The following RRAS2 variants were observed in gnomAD, a reference collection of about 807,000 sequenced individuals.
The protein encoded by RRAS2 is RAS related 2, also known as ras-related protein R-Ras2.
Under a neutral mutation model 27.6 loss-of-function variants are expected in RRAS2, and 7 were observed. The ratio of observed to expected loss-of-function variants is 0.25; its 90% CI spans 0.14 to 0.48. The LOEUF is 0.48. RRAS2 is among the 20% of genes least tolerant of loss of function. The pLI, the probability that RRAS2 is intolerant of heterozygous loss-of-function variation, is 0.99. For synonymous variants in RRAS2, 86 were observed against 90.9 expected, an observed-to-expected ratio of 0.95 and a Z score of 0.31; for missense variants, 178 against 256.2, an observed-to-expected ratio of 0.69 and a Z score of 2.08.
At chr11:14,322,348 G>A (rs369518304) in intron 1 of RRAS2, among the ~76,000 whole-genome samples, 1 of 151,710 alleles carries the variant, frequency 6.6e-6, no homozygotes, top group Non-Finnish European at 1.5e-5. Flanking sequence ...GCTAAACTAC[G>A]AGGATCACTT....
At chr11:14,320,760 C>T (rs1261107675) in intron 1 of RRAS2, among the ~76,000 whole-genome samples, 9 of 152,184 alleles carry the variant, frequency 5.9e-5, no homozygotes, top group African/African-American at 1.9e-4. Context: ...TATAAAAGAA[C>T]TTAAGTCAAA....
intron 1 of RRAS2, among the ~76,000 whole-genome samples, chr11:14,299,144 A>G (rs564144690): frequency 6.6e-6 from 1 of 152,330 alleles, no homozygotes; most frequent in African/African-American, 2.4e-5. Flanking sequence ...AATAAATGTC[A>G]ACCATAATAA....
chr11:14,353,187 G>A lies in RRAS2; in HGVS notation c.108+5576C>T, dbSNP rs562643352. ...CAATTTATTTTCCTAACTGAATGGAGCAGACTATTTTTATTCAAAGCTTAG... is the reference window on the plus strand; with the variant it reads ...CAATTTATTTTCCTAACTGAATGGAACAGACTATTTTTATTCAAAGCTTAG... On this transcript the variant is annotated intron_variant, in intron 1 of 5. Coordinates refer to ENST00000256196, the MANE Select transcript of RRAS2 (RefSeq NM_012250.6). Among the ~76,000 whole-genome samples the A allele has an allele frequency of 1.2e-4, 19 of 152,250 alleles. No individual in the cohort carries two copies. The South Asian group carries it at 3.7e-3, about 30-fold the overall frequency.
upstream of RRAS2, among the ~76,000 whole-genome samples, chr11:14,363,134 C>A (rs1336511043): frequency 6.6e-6 from 1 of 152,180 alleles, no homozygotes; most frequent in Non-Finnish European, 1.5e-5. Context: ...CGTTATCTGG[C>A]AACAACTAGC....
intron 1 of RRAS2, among the ~76,000 whole-genome samples, chr11:14,313,102 G>A (rs1383331886): frequency 3.3e-5 from 5 of 152,174 alleles, no homozygotes; most frequent in Admixed American, 2.6e-4. Context: ...AAACTTTTAT[G>A]TGGAGACAAA....
At chr11:14,296,870 C>T (rs1263012260) in intron 1 of RRAS2, among the ~76,000 whole-genome samples, 1 of 151,932 alleles carries the variant, frequency 6.6e-6, no homozygotes, top group Admixed American at 6.6e-5. Context: ...AGGGAAGAAT[C>T]TCAGCCTACA....
chr11:14,330,419 G>A (rs1481925741), intron 1 of RRAS2, among the ~76,000 whole-genome samples: 1 of 152,140 alleles, frequency 6.6e-6, no homozygotes, highest in African/African-American at 2.4e-5. Flanking sequence ...GGCTGAGGTA[G>A]GAAGATCCCT....
In RRAS2 at chr11:14,310,213, T is replaced by G. The variant is rs1228115155; in HGVS notation, c.109-14358A>C. Among the ~76,000 whole-genome samples, 5 of 152,072 alleles carry G rather than the reference T, an allele frequency of 3.3e-5. No individual in the cohort carries two copies. In the East Asian group the frequency reaches 7.7e-4, roughly 23 times the overall value. ...ATTGGGCTGCAACAGGCTGGTGGGG[T>G]AGAGAATGGAGGAAGAATACAGAGT... On this transcript the variant is annotated intron_variant, in intron 1 of 5. Coordinates refer to ENST00000256196, the MANE Select transcript of RRAS2 (RefSeq NM_012250.6).
At chr11:14,344,732 G>C (rs1848792290) in intron 1 of RRAS2, among the ~76,000 whole-genome samples, 1 of 152,174 alleles carries the variant, frequency 6.6e-6, no homozygotes, top group Non-Finnish European at 1.5e-5. Flanking sequence ...TCCCAAGTCA[G>C]AATTGCCAGA....
chr11:14,290,398 G>A (rs1849779830), intron 4 of RRAS2, among the ~76,000 whole-genome samples: 1 of 152,192 alleles, frequency 6.6e-6, no homozygotes, highest in Non-Finnish European at 1.5e-5. Context: ...GCAGTGAGCG[G>A]AGATCGTGCC....
At position 14,358,871 on chromosome 11, in the gene RRAS2, G is replaced by C. The variant is rs781863536; in HGVS notation, c.-1C>G. The C allele has an allele frequency of 1.2e-5, 17 of 1,459,944 alleles. No individual in the cohort carries two copies. In the African/African-American group the frequency reaches 2.5e-4, roughly 21 times the overall value. 90.4% of individuals were successfully genotyped at this position (1,459,944 alleles called of 1,614,324 possible). A position where few individuals can be genotyped will look rare whatever the true frequency, so the allele number is the denominator to read the frequency against. The stretch of plus-strand genomic sequence containing the variant: ...CGTCCCGCCAGCCGGCCGCGGCCAT[G>C]GGGACGCTACAGAGCCCAGCCTGAC... On this transcript the variant is annotated 5_prime_UTR_variant, in exon 1 of 6. Transcript: ENST00000256196. This position sits in a 1 kb window ranked among gnomAD's most constrained non-coding sequence, Gnocchi z 5.1.
intron 1 of RRAS2, among the ~76,000 whole-genome samples, chr11:14,330,335 G>A (rs1467617271): frequency 6.6e-6 from 1 of 152,098 alleles, no homozygotes; most frequent in Non-Finnish European, 1.5e-5. Flanking sequence ...CACTTTGGGA[G>A]GCCCAATCTA....
intron 1 of RRAS2, chr11:14,364,250 G>T: frequency 1.3e-6 from 1 of 793,260 alleles, no homozygotes; most frequent in Non-Finnish European, 2.1e-6. Flanking sequence ...GCCCATCCCA[G>T]AGACAGGATC....
upstream of RRAS2, among the ~76,000 whole-genome samples, chr11:14,359,805 C>T (rs1016278577): frequency 5.3e-5 from 8 of 152,116 alleles, no homozygotes; most frequent in Admixed American, 1.3e-4. Context: ...AACTCCTGGC[C>T]TCAAGCAATC....
intron 1 of RRAS2, among the ~76,000 whole-genome samples, chr11:14,343,703 G>A (rs1848767509): frequency 6.6e-6 from 1 of 150,924 alleles, no homozygotes; most frequent in East Asian, 1.9e-4. Context: ...GCATGATGGT[G>A]CACGCCTGTA....
rs1156654694 is a variant in RRAS2 at position 14,319,345 on chromosome 11, CTTTTTTT to C, written c.109-23497_109-23491del. 4.4e-3 allele frequency among the ~76,000 whole-genome samples: 401 copies of C among 91,530 alleles called. 2 individuals carry two copies. The highest frequency in any genetic ancestry group is 0.032 in the Middle Eastern group (3 of 94). The allele number at this position is 91,530 out of a possible 152,430, so 60.0% of individuals were successfully genotyped here. A position where few individuals can be genotyped will look rare whatever the true frequency, so the allele number is the denominator to read the frequency against. Reference sequence around the variant, plus strand: ...TATTAACTATTCAGGTTCCCTCTGTCTTTTTTTTTTTTTTTTTTTTTTTTGAGACGGA... The same window carrying C: ...TATTAACTATTCAGGTTCCCTCTGTCTTTTTTTTTTTTTTTTTGAGACGGA... On this transcript the variant is annotated intron_variant, in intron 1 of 5. Coordinates refer to ENST00000256196, the MANE Select transcript of RRAS2 (RefSeq NM_012250.6).
At chr11:14,317,591 A>C (rs1848137314) in intron 1 of RRAS2, among the ~76,000 whole-genome samples, 1 of 152,256 alleles carries the variant, frequency 6.6e-6, no homozygotes, top group Non-Finnish European at 1.5e-5. Context: ...AAAATAAAAT[A>C]AAATCTTAAA....
At chr11:14,352,754 TATAGAGAGAGAG>T (rs1257448654) in intron 1 of RRAS2, among the ~76,000 whole-genome samples, 4 of 118,680 alleles carry the variant, frequency 3.4e-5, no homozygotes, top group African/African-American at 9.3e-5. Flanking sequence ...AATATATATA[TATAGAGAGAGAG>T]AGAGAGAGAG....
At chr11:14,330,375 G>T (rs1352648801) in intron 1 of RRAS2, among the ~76,000 whole-genome samples, 1 of 152,132 alleles carries the variant, frequency 6.6e-6, no homozygotes, top group African/African-American at 2.4e-5. Flanking sequence ...AGCCGGGCAT[G>T]GTGGCACACG....
Sources: allele counts gnomAD v4.1 joint callset (sites outside exome capture counted in the v4.1 genomes callset), GRCh38; gene constraint gnomAD v4.1.1; non-coding constraint Gnocchi (gnomAD v3.1); transcripts MANE v1.5; gene names NCBI Gene and HGNC (gene_info 2026-07-23, HGNC 2026-07-21).